The following NTRK2 variants were observed in gnomAD, a reference collection of about 807,000 sequenced individuals.
The protein encoded by NTRK2 is neurotrophic receptor tyrosine kinase 2, also known as BDNF/NT-3 growth factors receptor.
A neutral mutation model predicts 94.5 loss-of-function variants in NTRK2; 13 were observed. That is an observed-to-expected ratio of 0.14 (90% CI 0.09 to 0.22). The LOEUF is 0.22. Among genes scored for constraint, NTRK2 ranks in the 10% least tolerant of loss-of-function variants. The pLI is 1.00. For missense variants in NTRK2, 639 were observed against 1,071.2 expected (o/e 0.60, Z 5.63); for synonymous variants, 372 against 407.4 (o/e 0.91, Z 1.05).
intron 12 of NTRK2, among the ~76,000 whole-genome samples, chr9:84,858,094 G>A (rs1838158): frequency 0.88 from 134,059 of 152,094 alleles, 59,352 homozygotes; most frequent in African/African-American, 0.96. Context: ...TTTGCAATCA[G>A]TCACCAAGTT....
intron 17 of NTRK2, among the ~76,000 whole-genome samples, chr9:84,972,528 T>A (rs1351463536): frequency 6.6e-6 from 1 of 152,202 alleles, no homozygotes; most frequent in African/African-American, 2.4e-5. Context: ...ACTACTAATA[T>A]GAAATATGCT....
intron 14 of NTRK2, chr9:84,877,589 G>A (rs2076115868): frequency 9.4e-7 from 1 of 1,064,460 alleles, no homozygotes; most frequent in Non-Finnish European, 1.1e-6. Flanking sequence ...CATTCAGCCT[G>A]CTGCTGCTGC....
At chr9:84,810,790 A>G (rs2071694757) in intron 12 of NTRK2, 1 of 1,412,510 alleles carries the variant, frequency 7.1e-7, no homozygotes, top group Non-Finnish European at 9.2e-7. Flanking sequence ...ATGCAGAGGT[A>G]ACTCTCAGGC....
intron 12 of NTRK2, among the ~76,000 whole-genome samples, chr9:84,788,948 C>T (rs765459103): frequency 6.6e-6 from 1 of 152,164 alleles, no homozygotes; most frequent in Non-Finnish European, 1.5e-5. Context: ...TACTTTGGCT[C>T]TGCTGCGTGC....
At position 84,860,203 on chromosome 9, in the gene NTRK2, T is replaced by C. The variant is rs78654914; in HGVS notation, c.1397-837T>C. 4.6e-3 allele frequency among the ~76,000 whole-genome samples: 707 copies of C among 152,342 alleles called. 13 individuals are homozygous for C. Among genetic ancestry groups the C allele is most frequent in the Admixed American group, 0.038 (577 of 15,298 alleles). On this transcript the variant is annotated intron_variant, in intron 12 of 18. Coordinates refer to ENST00000277120, the MANE Select transcript of NTRK2 (RefSeq NM_006180.6). ...GGGTCCATTCCCTTTACCCTTCTCATATTCAGGTATTTCCCCACTGTGCAG... is the reference window on the plus strand; with the variant it reads ...GGGTCCATTCCCTTTACCCTTCTCACATTCAGGTATTTCCCCACTGTGCAG...
At chr9:84,853,017 C>T (rs1045196305) in intron 12 of NTRK2, among the ~76,000 whole-genome samples, 21 of 151,880 alleles carry the variant, frequency 1.4e-4, no homozygotes, top group African/African-American at 4.8e-4. Flanking sequence ...TTGCAGAGCA[C>T]TGGCCTTTTC....
chr9:84,882,284 C>T (rs2076277620), intron 14 of NTRK2, among the ~76,000 whole-genome samples: 1 of 152,150 alleles, frequency 6.6e-6, no homozygotes, highest in Admixed American at 6.5e-5. Context: ...TGGGTATCTG[C>T]AACTTTCTCA....
chr9:84,988,572 A>G (rs1828655108), intron 17 of NTRK2, among the ~76,000 whole-genome samples: 1 of 152,244 alleles, frequency 6.6e-6, no homozygotes, highest in Non-Finnish European at 1.5e-5. Context: ...AAACTTTGTG[A>G]TGGGACCCTG....
At chr9:84,732,886 G>A (rs1482308777) in intron 9 of NTRK2, among the ~76,000 whole-genome samples, 1 of 152,144 alleles carries the variant, frequency 6.6e-6, no homozygotes, top group East Asian at 1.9e-4. Flanking sequence ...GAACAAATGT[G>A]CCTCTGCTCC....
chr9:85,006,383 T>C (rs1830961019), intron 17 of NTRK2, among the ~76,000 whole-genome samples: 1 of 152,184 alleles, frequency 6.6e-6, no homozygotes, highest in Admixed American at 6.5e-5. Context: ...TAAGCTCTGC[T>C]GGCCCTCTTG....
At chr9:84,797,870 TA>T (rs2069798317) in intron 12 of NTRK2, among the ~76,000 whole-genome samples, 1 of 114,610 alleles carries the variant, frequency 8.7e-6, no homozygotes, top group African/African-American at 3.4e-5. Context: ...TATAATAATA[TA>T]TATAATATAG....
chr9:84,986,535 T>C (rs530039885), intron 17 of NTRK2, among the ~76,000 whole-genome samples: 1 of 152,290 alleles, frequency 6.6e-6, no homozygotes, highest in East Asian at 1.9e-4. Context: ...GTGGCCCAGT[T>C]CCTAACAGGA....
chr9:84,920,656 T>G (rs1470842812), intron 14 of NTRK2, among the ~76,000 whole-genome samples: 1 of 152,206 alleles, frequency 6.6e-6, no homozygotes, highest in Non-Finnish European at 1.5e-5. Flanking sequence ...ATGGAAGCCA[T>G]GCCCCCATCT....
intron 17 of NTRK2, 75 bp downstream of exon 17, chr9:84,955,592 G>T: frequency 8.2e-7 from 1 of 1,222,430 alleles, no homozygotes; most frequent in Non-Finnish European, 1.2e-6. Flanking sequence ...GTTTGCTGAG[G>T]CTGTCATAAC....
intron 15 of NTRK2, among the ~76,000 whole-genome samples, chr9:84,937,072 A>C (rs1193916854): frequency 6.6e-6 from 1 of 152,152 alleles, no homozygotes; most frequent in African/African-American, 2.4e-5. Flanking sequence ...GCTCATTTTT[A>C]GGGCTTTAGG....
chr9:84,874,011 A>T (rs892719529), intron 14 of NTRK2: 1 of 1,064,140 alleles, frequency 9.4e-7, no homozygotes, highest in African/African-American at 1.6e-5. Context: ...TCACCAAAGC[A>T]TCAGTGATGT....
At chr9:84,807,002 A>G (rs921432087) in intron 12 of NTRK2, among the ~76,000 whole-genome samples, 3 of 152,258 alleles carry the variant, frequency 2.0e-5, no homozygotes, top group Non-Finnish European at 2.9e-5. Context: ...TGCCACGCAG[A>G]TGCTCAAGTT....
intron 12 of NTRK2, among the ~76,000 whole-genome samples, chr9:84,774,379 T>C (rs1242208667): frequency 6.6e-6 from 1 of 152,226 alleles, no homozygotes; most frequent in Non-Finnish European, 1.5e-5. Context: ...GAGAGGGGTC[T>C]CCATGTCTGG....
At chr9:84,680,129 G>A (rs953362680) in intron 2 of NTRK2, among the ~76,000 whole-genome samples, 1 of 152,146 alleles carries the variant, frequency 6.6e-6, no homozygotes. Flanking sequence ...CACATTTCCT[G>A]ATTGTCATGT....
Sources: gnomAD v4.1 joint callset for allele counts (sites outside exome capture counted in the v4.1 genomes callset) on GRCh38, gnomAD v4.1.1 for gene constraint, MANE v1.5 for transcripts, NCBI Gene and HGNC (gene_info 2026-07-23, HGNC 2026-07-21) for gene names.